The following B4GALT1 variants were observed in gnomAD, a reference collection of about 807,000 sequenced individuals.
B4GALT1 encodes the protein beta-1,4-galactosyltransferase 1.
Under a neutral mutation model 34.9 loss-of-function variants are expected in B4GALT1, and 16 were observed. The observed-to-expected ratio is 0.46, with a 90% CI of 0.31 to 0.70. B4GALT1 has a LOEUF of 0.70. Ranked by LOEUF, B4GALT1 falls within the 30% of genes least tolerant of loss-of-function variation. The pLI is 0.05. For missense variants in B4GALT1, 445 were observed against 530.5 expected (o/e 0.84, Z 1.58); for synonymous variants, 221 against 218.1 (o/e 1.01, Z -0.12).
intron 1 of B4GALT1, among the ~76,000 whole-genome samples, chr9:33,152,580 A>G (rs1840537006): frequency 6.6e-6 from 1 of 151,982 alleles, no homozygotes; most frequent in Non-Finnish European, 1.5e-5. Context: ...GGTTAAAAAA[A>G]AGAAAAAAAA....
chr9:33,146,019 A>C (rs1018154631), intron 1 of B4GALT1, among the ~76,000 whole-genome samples: 1 of 152,246 alleles, frequency 6.6e-6, no homozygotes, highest in African/African-American at 2.4e-5. Context: ...AACAGGCAGC[A>C]TGACAGTTCC....
intron 2 of B4GALT1, among the ~76,000 whole-genome samples, chr9:33,122,103 A>T (rs1840029132): frequency 6.6e-6 from 1 of 152,194 alleles, no homozygotes; most frequent in Admixed American, 6.5e-5. Flanking sequence ...GCTCTTTCCC[A>T]TCTCTCTTGG....
At chr9:33,151,171 C>G (rs1225780641) in intron 1 of B4GALT1, among the ~76,000 whole-genome samples, 3 of 152,204 alleles carry the variant, frequency 2.0e-5, no homozygotes, top group Non-Finnish European at 2.9e-5. Flanking sequence ...CTTCCCTGCT[C>G]TGACTGCTGA....
Position 33,111,250 on chromosome 9 carries a change from CAAAAAAAAAAAAAAA to C in B4GALT1, c.*2189_*2203del, listed in dbSNP as rs751351046. The C allele has an allele frequency of 3.9e-4, 19 of 48,858 alleles. No individual in the cohort carries two copies. In the East Asian group the frequency reaches 0.016, roughly 40 times the overall value. The allele number at this position is 48,858 out of a possible 1,614,324, so 3.0% of individuals were successfully genotyped here. Reference sequence around the variant, plus strand: ...TACTTGACATGAATGAGAAGGTAACCAAAAAAAAAAAAAAAAAAAAAAAAAAAACAACAAGAAAAG... The same window carrying C: ...TACTTGACATGAATGAGAAGGTAACCAAAAAAAAAAAAACAACAAGAAAAG... On this transcript the variant is annotated 3_prime_UTR_variant, in exon 6 of 6. Transcript: ENST00000379731.
At chr9:33,143,257 G>A (rs1840379431) in intron 1 of B4GALT1, among the ~76,000 whole-genome samples, 1 of 152,214 alleles carries the variant, frequency 6.6e-6, no homozygotes, top group African/African-American at 2.4e-5. Context: ...AGTGGGGCCA[G>A]GTGCTCATCC....
chr9:33,136,521 C>T (rs186251133), intron 1 of B4GALT1, among the ~76,000 whole-genome samples: 2 of 152,294 alleles, frequency 1.3e-5, no homozygotes, highest in South Asian at 4.1e-4. Context: ...AAACATGTCT[C>T]GTGGTCAAAT....
chr9:33,152,309 AATAAC>A (rs370702963), intron 1 of B4GALT1, among the ~76,000 whole-genome samples: 14,913 of 121,786 alleles, frequency 0.12, 890 homozygotes, highest in African/African-American at 0.15. Flanking sequence ...CTCTCCAAAA[AATAAC>A]ATAACATAAC....
chr9:33,181,423 T>TACACACACACACACACACACACAC, the B4GALT1 span, among the ~76,000 whole-genome samples: 21 of 137,144 alleles, frequency 1.5e-4, no homozygotes, highest in East Asian at 9.3e-4. Context: ...GACCCTGTCT[T>TACACACACACACACACACACACAC]ACACACACAC....
intron 1 of B4GALT1, among the ~76,000 whole-genome samples, chr9:33,163,633 A>C (rs536530676): frequency 2.4e-4 from 36 of 152,300 alleles, no homozygotes; most frequent in African/African-American, 8.7e-4. Flanking sequence ...AGTCCCATTG[A>C]GCTGCTGCCC....
chr9:33,124,923 C>T (rs370736323), intron 2 of B4GALT1, among the ~76,000 whole-genome samples: 22 of 152,266 alleles, frequency 1.4e-4, no homozygotes, highest in South Asian at 8.3e-4. Flanking sequence ...CTGTGAAATG[C>T]GTAGGAAGTC....
chr9:33,116,423 C>A (rs985452181), intron 3 of B4GALT1, among the ~76,000 whole-genome samples: 1 of 151,344 alleles, frequency 6.6e-6, no homozygotes, highest in Non-Finnish European at 1.5e-5. Flanking sequence ...AGGGTTTCAC[C>A]ATGTTGGTCA....
chr9:33,135,071 G>T (rs1035754190), intron 2 of B4GALT1, 118 bp downstream of exon 2: 3 of 1,076,340 alleles, frequency 2.8e-6, no homozygotes, highest in Admixed American at 4.0e-5. Context: ...CTGGTTCCTC[G>T]CTGTAAGTGC....
chr9:33,155,748 G>A (rs1038326220), intron 1 of B4GALT1, among the ~76,000 whole-genome samples: 1 of 152,176 alleles, frequency 6.6e-6, no homozygotes, highest in African/African-American at 2.4e-5. Context: ...TGCATTTGGA[G>A]GAATTTTATA....
Position 33,120,478 on chromosome 9 carries a change from C to A in B4GALT1, c.777G>T (p.Ala259=). ...VDLIPMNDHN[A]YRCFSQPRHI... The stretch of plus-strand genomic sequence containing the variant: ...GCCGTGGCTGTGAAAAACACCTGTA[C>A]GCATTATGGTCATTCATTGGAATGA... The change falls in exon 3 of 6, where the codon GCG becomes GCT. Residue 259 remains alanine, a synonymous_variant. Coordinates refer to ENST00000379731, the MANE Select transcript of B4GALT1 (RefSeq NM_001497.4). 6.2e-7 allele frequency: 1 copy of A among 1,614,114 alleles called. No homozygotes were observed. Among genetic ancestry groups the A allele is most frequent in the East Asian group, 2.2e-5 (1 of 44,890 alleles).
At chr9:33,135,907 G>GTA (rs758278793) in intron 1 of B4GALT1, among the ~76,000 whole-genome samples, 1 of 122,388 alleles carries the variant, frequency 8.2e-6, no homozygotes, top group Non-Finnish European at 1.8e-5. Flanking sequence ...GTGTGTGTGT[G>GTA]TGTATGTGTG....
intron 3 of B4GALT1, 45 bp downstream of exon 3, chr9:33,120,374 T>G: frequency 1.8e-4 from 287 of 1,601,502 alleles, no homozygotes; most frequent in Non-Finnish European, 2.2e-4. Flanking sequence ...AGTCAACACA[T>G]GAGAGAGACA....
At chr9:33,176,084 C>G in the B4GALT1 span, among the ~76,000 whole-genome samples, 3 of 152,218 alleles carry the variant, frequency 2.0e-5, no homozygotes, top group African/African-American at 7.2e-5. Context: ...CCAGCTCCCC[C>G]TGCTCCAGGG....
chr9:33,106,808 A>G (rs74429287), downstream of B4GALT1, among the ~76,000 whole-genome samples: 18 of 152,182 alleles, frequency 1.2e-4, 1 homozygote. Flanking sequence ...ACAGCAGGGC[A>G]CTTCCTACAG....
downstream of B4GALT1, among the ~76,000 whole-genome samples, chr9:33,109,954 A>G (rs1839834972): frequency 6.6e-6 from 1 of 152,218 alleles, no homozygotes; most frequent in South Asian, 2.1e-4. Flanking sequence ...CATTTTGTCC[A>G]AAGGACCAGA....
Sources: allele counts gnomAD v4.1 joint callset (sites outside exome capture counted in the v4.1 genomes callset), GRCh38; gene constraint gnomAD v4.1.1; transcripts MANE v1.5; gene names NCBI Gene and HGNC (gene_info 2026-07-23, HGNC 2026-07-21).